PLA2G12A: variants seen among roughly 807,000 people sequenced by gnomAD.
The protein encoded by PLA2G12A is phospholipase A2 group XIIA.
A neutral mutation model predicts 16.0 loss-of-function variants in PLA2G12A; 11 were observed. The ratio of observed to expected loss-of-function variants is 0.69; its 90% CI spans 0.43 to 1.13. PLA2G12A has a LOEUF of 1.13. PLA2G12A is among the 50% of genes most tolerant of loss of function. The probability of loss-of-function intolerance (pLI) is 0.00; values close to 1 mark genes in which losing one functional copy is unlikely to be tolerated. For missense variants in PLA2G12A, 214 were observed against 237.3 expected, an observed-to-expected ratio of 0.90 and a Z score of 0.65; for synonymous variants, 77 against 93.8, an observed-to-expected ratio of 0.82 and a Z score of 1.03.
intron 1 of PLA2G12A, among the ~76,000 whole-genome samples, chr4:109,726,209 A>G (rs1722935392): frequency 2.0e-5 from 3 of 152,160 alleles, no homozygotes; most frequent in Non-Finnish European, 4.4e-5. Flanking sequence ...TATGACTCCA[A>G]TAATTCTCTC....
rs1561268629 is a variant in PLA2G12A at position 109,711,052 on chromosome 4, C to CTTTTTTTTTTT, written c.*3324_*3325insAAAAAAAAAAA. 1 of 97,404 alleles carries CTTTTTTTTTTT rather than the reference C, an allele frequency of 1.0e-5. No homozygotes were observed. The highest frequency in any genetic ancestry group is 5.1e-5 in the African/African-American group (1 of 19,658). The allele number at this position is 97,404 out of a possible 1,614,324, so 6.0% of individuals were successfully genotyped here. On this transcript the variant is annotated 3_prime_UTR_variant, in exon 4 of 4. Coordinates refer to ENST00000243501, the MANE Select transcript of PLA2G12A (RefSeq NM_030821.5). ...AAGAGCTGCTGACAGTTAGTTCTTGCCTTTTTTTTTTTTTTTTTTTTTTTG... is the reference window on the plus strand; with the variant it reads ...AAGAGCTGCTGACAGTTAGTTCTTGCTTTTTTTTTTTCTTTTTTTTTTTTTTTTTTTTTTTG...
chr4:109,718,588 T>G, intron 2 of PLA2G12A, 95 bp downstream of exon 2: 3 of 951,632 alleles, frequency 3.2e-6, no homozygotes, highest in East Asian at 5.3e-5. Flanking sequence ...GCTAAATTAT[T>G]TGTGAATCTA....
chr4:109,723,111 A>C (rs1722843678), intron 1 of PLA2G12A, among the ~76,000 whole-genome samples: 1 of 152,184 alleles, frequency 6.6e-6, no homozygotes, highest in Non-Finnish European at 1.5e-5. Context: ...ACTGTAGGGT[A>C]AGATGGGCTT....
chr4:109,724,076 C>T (rs1234736956), intron 1 of PLA2G12A, among the ~76,000 whole-genome samples: 2 of 152,124 alleles, frequency 1.3e-5, no homozygotes, highest in Admixed American at 6.5e-5. Context: ...CTCAGACAAC[C>T]GATATGGGCC....
intron 1 of PLA2G12A, among the ~76,000 whole-genome samples, chr4:109,725,869 T>G (rs1722924948): frequency 6.6e-6 from 1 of 152,226 alleles, no homozygotes; most frequent in South Asian, 2.1e-4. Context: ...GATTCCAACC[T>G]GCACTCCCAA....
chr4:109,721,536 C>T (rs1209157093), intron 1 of PLA2G12A, among the ~76,000 whole-genome samples: 15 of 152,024 alleles, frequency 9.9e-5, no homozygotes, highest in Admixed American at 7.2e-4. Flanking sequence ...TGGCCAGGCT[C>T]GTCTCAAACT....
In PLA2G12A at chr4:109,710,385, T is replaced by C. The variant is rs1176594622; in HGVS notation, c.*3992A>G. The stretch of plus-strand genomic sequence containing the variant: ...ATAATGAGCATTGTGCATCGCACCT[T>C]CTGATAATCTCATACTTCTATAAAT... On this transcript the variant is annotated 3_prime_UTR_variant, in exon 4 of 4. Transcript: ENST00000243501. The C allele has an allele frequency of 6.6e-6, 1 of 152,270 alleles. No homozygotes were observed. The highest frequency in any genetic ancestry group is 1.5e-5 in the Non-Finnish European group (1 of 68,046). 9.4% of individuals were successfully genotyped at this position (152,270 alleles called of 1,614,324 possible).
At chr4:109,714,522 G>T (rs369019397) in intron 3 of PLA2G12A, 27 bp from the exon 4 acceptor site, 3 of 1,449,574 alleles carry the variant, frequency 2.1e-6, no homozygotes, top group Non-Finnish European at 2.9e-6. Flanking sequence ...TGGGATTACT[G>T]TTGGGCAACT....
At chr4:109,715,276 T>A (rs1312574315) in intron 3 of PLA2G12A, among the ~76,000 whole-genome samples, 3 of 152,154 alleles carry the variant, frequency 2.0e-5, no homozygotes, top group Non-Finnish European at 4.4e-5. Context: ...GAAACAAAGT[T>A]TAAAAATTGA....
Position 109,710,344 on chromosome 4 carries a change from C to T in PLA2G12A, c.*4033G>A, listed in dbSNP as rs1730699828. On this transcript the variant is annotated 3_prime_UTR_variant, in exon 4 of 4. Coordinates refer to ENST00000243501, the MANE Select transcript of PLA2G12A (RefSeq NM_030821.5). ...CTTTACTGTTAGATGTTATACGTGT[C>T]TTGTACTAGGATAAAATAATGAGCA... The T allele has an allele frequency of 1.3e-5, 2 of 152,212 alleles. No homozygotes were observed. The highest frequency in any genetic ancestry group is 4.8e-5 in the African/African-American group (2 of 41,448). The allele number at this position is 152,212 out of a possible 1,614,324, so 9.4% of individuals were successfully genotyped here. A position where few individuals can be genotyped will look rare whatever the true frequency, so the allele number is the denominator to read the frequency against.
intron 1 of PLA2G12A, 101 bp from the exon 2 acceptor site, chr4:109,718,860 A>T: frequency 2.7e-6 from 2 of 736,480 alleles, no homozygotes; most frequent in South Asian, 4.0e-5. Context: ...GAAATATGTA[A>T]TATTTACTTG....
chr4:109,725,972 CA>C (rs1452648063), intron 1 of PLA2G12A, among the ~76,000 whole-genome samples: 1 of 152,168 alleles, frequency 6.6e-6, no homozygotes, highest in Non-Finnish European at 1.5e-5. Flanking sequence ...ATATTTTCCT[CA>C]AATCTCCAAC....
chr4:109,727,479 G>A (rs1442961280), intron 1 of PLA2G12A, among the ~76,000 whole-genome samples: 2 of 151,962 alleles, frequency 1.3e-5, no homozygotes, highest in Admixed American at 6.6e-5. Context: ...CCACATGTCC[G>A]TTAAACGTAG....
intron 1 of PLA2G12A, among the ~76,000 whole-genome samples, chr4:109,727,381 G>A (rs1311569765): frequency 1.3e-5 from 2 of 152,056 alleles, no homozygotes; most frequent in Non-Finnish European, 2.9e-5. Flanking sequence ...AAAGTGCTGG[G>A]ATTACAGGCA....
Position 109,720,693 on chromosome 4 carries a change from G to A in PLA2G12A, c.209-1934C>T, listed in dbSNP as rs181674955. Among the ~76,000 whole-genome samples, 10 of 147,216 alleles carry A rather than the reference G, an allele frequency of 6.8e-5. No homozygotes were observed. In the East Asian group the frequency reaches 1.8e-3, roughly 27 times the overall value. On this transcript the variant is annotated intron_variant, in intron 1 of 3. Coordinates refer to ENST00000243501, the MANE Select transcript of PLA2G12A (RefSeq NM_030821.5). ...AAAGAGAAAAAAATAAACGGTTTCA[G>A]TGACTTGCTCAGAAGTTCCATGCTC...
Position 109,710,311 on chromosome 4 carries a change from T to C in PLA2G12A, c.*4066A>G, listed in dbSNP as rs1480215696. ...AACAGAATTGTTTTTATAGAAAGAT[T>C]CCATCTTCTTTACTGTTAGATGTTA... On this transcript the variant is annotated 3_prime_UTR_variant, in exon 4 of 4. Transcript: ENST00000243501. 1 of 152,250 alleles carries C rather than the reference T, an allele frequency of 6.6e-6. No individual in the cohort carries two copies. Among genetic ancestry groups the C allele is most frequent in the Non-Finnish European group, 1.5e-5 (1 of 68,040 alleles). The allele number at this position is 152,250 out of a possible 1,614,324, so 9.4% of individuals were successfully genotyped here.
rs1278730358 is a variant in PLA2G12A, at chr4:109,713,593, T to G, written c.*784A>C. ...TATCTCATTAAATCCATCTTTTCTC[T>G]AACTTGGCAAAGGTTATAGCAAAAG... On this transcript the variant is annotated 3_prime_UTR_variant, in exon 4 of 4. Coordinates refer to ENST00000243501, the MANE Select transcript of PLA2G12A (RefSeq NM_030821.5). 1 of 152,262 alleles carries G rather than the reference T, an allele frequency of 6.6e-6. No individual in the cohort carries two copies. Among genetic ancestry groups the G allele is most frequent in the Non-Finnish European group, 1.5e-5 (1 of 68,044 alleles). The allele number at this position is 152,262 out of a possible 1,614,324, so 9.4% of individuals were successfully genotyped here.
intron 1 of PLA2G12A, among the ~76,000 whole-genome samples, chr4:109,723,528 G>A (rs919305808): frequency 6.6e-6 from 1 of 152,140 alleles, no homozygotes; most frequent in Non-Finnish European, 1.5e-5. Flanking sequence ...TTTCTCACAG[G>A]AGTATCATGA....
chr4:109,711,652 C>G lies in PLA2G12A; in HGVS notation c.*2725G>C, dbSNP rs1489631455. 1 of 152,100 alleles carries G rather than the reference C, an allele frequency of 6.6e-6. No homozygotes were observed. Among genetic ancestry groups the G allele is most frequent in the African/African-American group, 2.4e-5 (1 of 41,390 alleles). 9.4% of individuals were successfully genotyped at this position (152,100 alleles called of 1,614,324 possible). A position where few individuals can be genotyped will look rare whatever the true frequency, so the allele number is the denominator to read the frequency against. ...AACAAATTTTCCATATAGAAAAATTCCAAATACTACATATGGATATTCCCA... is the reference window on the plus strand; with the variant it reads ...AACAAATTTTCCATATAGAAAAATTGCAAATACTACATATGGATATTCCCA... On this transcript the variant is annotated 3_prime_UTR_variant, in exon 4 of 4. Coordinates refer to ENST00000243501, the MANE Select transcript of PLA2G12A (RefSeq NM_030821.5).
Sources: gnomAD v4.1 joint callset for allele counts (sites outside exome capture counted in the v4.1 genomes callset) on GRCh38, gnomAD v4.1.1 for gene constraint, MANE v1.5 for transcripts, NCBI Gene and HGNC (gene_info 2026-07-23, HGNC 2026-07-21) for gene names.